Variants in KCNH1 observed in about 807,000 individuals in gnomAD.
KCNH1 encodes potassium voltage-gated channel subfamily H member 1, also known as voltage-gated delayed rectifier potassium channel KCNH1.
Under a neutral mutation model 69.2 loss-of-function variants are expected in KCNH1, and 27 were observed. The observed-to-expected ratio is 0.39, with a 90% CI of 0.29 to 0.54. KCNH1 has a LOEUF of 0.54. Ranked by LOEUF, KCNH1 falls within the 20% of genes least tolerant of loss-of-function variation. KCNH1 has a pLI of 0.68. For synonymous variants in KCNH1, 456 were observed against 487.7 expected (o/e 0.93, Z 0.86); for missense variants, 798 against 1,261.6 (o/e 0.63, Z 5.57).
At chr1:210,929,637 T>G (rs1687643414) in intron 6 of KCNH1, among the ~76,000 whole-genome samples, 1 of 152,096 alleles carries the variant, frequency 6.6e-6, no homozygotes, top group African/African-American at 2.4e-5. Flanking sequence ...GTTGCCCACT[T>G]TCGCCACTTC....
At chr1:210,717,253 T>C (rs1682280174) in intron 10 of KCNH1, among the ~76,000 whole-genome samples, 1 of 152,188 alleles carries the variant, frequency 6.6e-6, no homozygotes. Flanking sequence ...GGCCTAGGGC[T>C]GAAAGCATAT....
intron 6 of KCNH1, among the ~76,000 whole-genome samples, chr1:210,985,788 G>A (rs1688820154): frequency 6.6e-6 from 1 of 152,188 alleles, no homozygotes; most frequent in Non-Finnish European, 1.5e-5. Flanking sequence ...TTCTATAGAT[G>A]TCTATTAGGT....
At chr1:210,810,244 C>T (rs1355772195) in intron 7 of KCNH1, among the ~76,000 whole-genome samples, 1 of 152,144 alleles carries the variant, frequency 6.6e-6, no homozygotes, top group African/African-American at 2.4e-5. Context: ...ATTTCTCCAG[C>T]CTTATCTTGC....
At chr1:210,908,133 A>G (rs1052703630) in intron 7 of KCNH1, among the ~76,000 whole-genome samples, 1 of 152,202 alleles carries the variant, frequency 6.6e-6, no homozygotes, top group Non-Finnish European at 1.5e-5. Context: ...CTTAATCTCA[A>G]TCTCTGTGAG....
At chr1:210,693,796 C>A (rs950420358) in intron 10 of KCNH1, among the ~76,000 whole-genome samples, 1 of 152,184 alleles carries the variant, frequency 6.6e-6, no homozygotes, top group Non-Finnish European at 1.5e-5. Context: ...CTCACCTGCA[C>A]TAGGTCCCTG....
intron 9 of KCNH1, among the ~76,000 whole-genome samples, chr1:210,790,352 T>C (rs1442149843): frequency 6.6e-6 from 1 of 152,106 alleles, no homozygotes; most frequent in Non-Finnish European, 1.5e-5. Context: ...TCACCACCAC[T>C]TCCTCCTGAC....
chr1:210,684,139 C>A lies in KCNH1; in HGVS notation c.2113-1G>T. 6.6e-7 allele frequency: 1 copy of A among 1,506,896 alleles called. No homozygotes were observed. The highest frequency in any genetic ancestry group is 1.4e-5 in the South Asian group (1 of 73,196). The allele number at this position is 1,506,896 out of a possible 1,614,324, so 93.3% of individuals were successfully genotyped here. A position where few individuals can be genotyped will look rare whatever the true frequency, so the allele number is the denominator to read the frequency against. On this transcript the variant is annotated splice_acceptor_variant, in intron 10 of 10. Transcript: ENST00000271751. LOFTEE classifies it high-confidence loss of function. The stretch of plus-strand genomic sequence containing the variant: ...CATCGCTGATCTTCCGGAACACAAT[C>A]TGGAGAGAGAGAGAGAGAGAATGAC...
intron 5 of KCNH1, among the ~76,000 whole-genome samples, chr1:211,076,976 T>C (rs1446054796): frequency 6.6e-6 from 1 of 152,110 alleles, no homozygotes; most frequent in African/African-American, 2.4e-5. Flanking sequence ...CAAGCTTCAA[T>C]AGCCAATTCG....
intron 6 of KCNH1, among the ~76,000 whole-genome samples, chr1:210,986,545 C>A (rs1447767459): frequency 6.6e-6 from 1 of 152,122 alleles, no homozygotes; most frequent in Non-Finnish European, 1.5e-5. Context: ...ACTTATGAAG[C>A]TTAGTTTGGC....
At position 210,678,997 on chromosome 1, in the gene KCNH1, T is replaced by TC. The variant is rs1293160683; in HGVS notation, c.*4283dup. The TC allele has an allele frequency of 6.6e-6, 1 of 152,236 alleles. No individual in the cohort carries two copies. Among genetic ancestry groups the TC allele is most frequent in the Non-Finnish European group, 1.5e-5 (1 of 68,048 alleles). 9.4% of individuals were successfully genotyped at this position (152,236 alleles called of 1,614,324 possible). On this transcript the variant is annotated 3_prime_UTR_variant, in exon 11 of 11. Coordinates refer to ENST00000271751, the MANE Select transcript of KCNH1 (RefSeq NM_172362.3). ...GATATGCTTGCATGAGAATGAAGTT[T>TC]CACTTGAATTTAAGCTGCAGATAAA... is the stretch of plus-strand genomic sequence containing the variant.
In KCNH1 at chr1:210,682,178, A is replaced by G. The variant is rs1165634866; in HGVS notation, c.*1103T>C. 6.6e-6 allele frequency: 1 copy of G among 152,174 alleles called. No homozygotes were observed. Among genetic ancestry groups the G allele is most frequent in the Non-Finnish European group, 1.5e-5 (1 of 68,034 alleles). 9.4% of individuals were successfully genotyped at this position (152,174 alleles called of 1,614,324 possible). A position where few individuals can be genotyped will look rare whatever the true frequency, so the allele number is the denominator to read the frequency against. On this transcript the variant is annotated 3_prime_UTR_variant, in exon 11 of 11. Transcript: ENST00000271751. ...TTCTCTTGAAATCCTACTGACTTTA[A>G]TAGGAAATAGAGAGACTGGCTTTAA...
chr1:210,965,229 T>C (rs1688376700), intron 6 of KCNH1, among the ~76,000 whole-genome samples: 2 of 152,092 alleles, frequency 1.3e-5, no homozygotes, highest in Admixed American at 1.3e-4. Flanking sequence ...CTATTCAACA[T>C]AGTGTTGGAA....
chr1:210,899,903 G>C (rs998842262), intron 7 of KCNH1, among the ~76,000 whole-genome samples: 4 of 152,114 alleles, frequency 2.6e-5, no homozygotes, highest in African/African-American at 9.7e-5. Context: ...TTCTCCAAAA[G>C]TCAATACCAC....
intron 1 of KCNH1, among the ~76,000 whole-genome samples, chr1:211,128,039 T>C (rs6540660): frequency 0.52 from 78,894 of 151,834 alleles, 20,654 homozygotes; most frequent in Middle Eastern, 0.54. Flanking sequence ...GCCTGTAATC[T>C]CAACACTTTG....
intron 6 of KCNH1, among the ~76,000 whole-genome samples, chr1:210,950,516 A>G (rs1007508933): frequency 2.0e-5 from 3 of 150,224 alleles, no homozygotes; most frequent in East Asian, 2.0e-4. Context: ...ATGTTTTCCA[A>G]TTTCATCCAT....
At chr1:210,974,935 T>G (rs916545962) in intron 6 of KCNH1, among the ~76,000 whole-genome samples, 1 of 152,142 alleles carries the variant, frequency 6.6e-6, no homozygotes, top group Admixed American at 6.5e-5. Context: ...ACCCAATACA[T>G]TACTATTATT....
intron 10 of KCNH1, among the ~76,000 whole-genome samples, chr1:210,747,208 T>A (rs1043509495): frequency 6.6e-6 from 1 of 152,192 alleles, no homozygotes; most frequent in African/African-American, 2.4e-5. Context: ...GTTGCCCGAT[T>A]CCTGTGTGCC....
At chr1:210,970,288 C>T (rs550380195) in intron 6 of KCNH1, among the ~76,000 whole-genome samples, 3 of 151,580 alleles carry the variant, frequency 2.0e-5, no homozygotes, top group East Asian at 3.9e-4. Flanking sequence ...CAACAGGCCC[C>T]GGTGTATGAT....
chr1:210,783,533 G>A (rs933577060), intron 9 of KCNH1, among the ~76,000 whole-genome samples: 1 of 152,216 alleles, frequency 6.6e-6, no homozygotes, highest in African/African-American at 2.4e-5. Flanking sequence ...AAGGGGAGGT[G>A]TGTAGAAGGG....
Sources: allele counts gnomAD v4.1 joint callset (sites outside exome capture counted in the v4.1 genomes callset), GRCh38; gene constraint gnomAD v4.1.1; transcripts MANE v1.5; gene names NCBI Gene and HGNC (gene_info 2026-07-23, HGNC 2026-07-21).